NAA60: variants seen among roughly 807,000 people sequenced by gnomAD.
NAA60 encodes the protein N-alpha-acetyltransferase 60.
Under a neutral mutation model 26.1 loss-of-function variants are expected in NAA60, and 8 were observed. The ratio of observed to expected loss-of-function variants is 0.31; its 90% confidence interval spans 0.18 to 0.55. The LOEUF (loss-of-function observed/expected upper bound fraction) is 0.55, where lower values mean the gene tolerates loss of function less well. Ranked by LOEUF, NAA60 falls within the 20% of genes least tolerant of loss-of-function variation. NAA60 has a pLI of 0.93. For missense variants in NAA60, 290 were observed against 311.3 expected (o/e 0.93, Z 0.51); for synonymous variants, 131 against 122.5 (o/e 1.07, Z -0.46).
chr16:3,449,842 G>A, intron 2 of NAA60: 1 of 365,686 alleles, frequency 2.7e-6, no homozygotes, highest in Non-Finnish European at 4.9e-6. Flanking sequence ...TTTTAAAAAG[G>A]GGAGTTTCCC....
At chr16:3,464,066 C>T (rs1009916345) in intron 2 of NAA60, among the ~76,000 whole-genome samples, 5 of 152,186 alleles carry the variant, frequency 3.3e-5, no homozygotes, top group African/African-American at 1.2e-4. Flanking sequence ...CAGAGTCTCA[C>T]TCTGTTGCCC....
At chr16:3,474,403 C>G (rs2036342804) in intron 2 of NAA60, among the ~76,000 whole-genome samples, 1 of 152,210 alleles carries the variant, frequency 6.6e-6, no homozygotes, top group Non-Finnish European at 1.5e-5. Flanking sequence ...AGAGAACCAC[C>G]CTGGGGAGGG....
At chr16:3,468,534 C>T (rs1466796695) in intron 2 of NAA60, among the ~76,000 whole-genome samples, 2 of 152,174 alleles carry the variant, frequency 1.3e-5, no homozygotes, top group Admixed American at 6.5e-5. Flanking sequence ...CCGGAGAGGT[C>T]ATTTCCATGT....
intron 2 of NAA60, among the ~76,000 whole-genome samples, chr16:3,463,567 A>T (rs1472233247): frequency 3.3e-5 from 5 of 151,122 alleles, no homozygotes; most frequent in African/African-American, 1.2e-4. Flanking sequence ...AAAAAAAAAA[A>T]AAAAAATGCA....
rs770205670 is a variant in NAA60 at position 3,448,503 on chromosome 16, T to C, written c.-44T>C. 1.6e-5 allele frequency: 24 copies of C among 1,535,452 alleles called. No individual in the cohort carries two copies. The Admixed American group carries it at 2.2e-4, about 14-fold the overall frequency. ...AAAGGCTGTACCTGGAGGAAGGAAGTGCGGAGCCAGCCTGAGTTGGGAGAA... is the reference window on the plus strand; with the variant it reads ...AAAGGCTGTACCTGGAGGAAGGAAGCGCGGAGCCAGCCTGAGTTGGGAGAA... On this transcript the variant is annotated 5_prime_UTR_variant, in exon 2 of 8. Transcript: ENST00000407558.
intron 3 of NAA60, among the ~76,000 whole-genome samples, chr16:3,477,867 C>A (rs995865683): frequency 6.6e-6 from 1 of 152,156 alleles, no homozygotes. Flanking sequence ...AGTTCAAGAC[C>A]AGCCTGTCCA....
At chr16:3,479,320 G>C in intron 3 of NAA60, 151 bp from the exon 4 acceptor site, 1 of 692,014 alleles carries the variant, frequency 1.4e-6, no homozygotes, top group Non-Finnish European at 2.4e-6. Context: ...GTGACAGTTA[G>C]GTAGAGACTT....
chr16:3,464,875 G>A (rs974262323), intron 2 of NAA60, among the ~76,000 whole-genome samples: 2 of 152,188 alleles, frequency 1.3e-5, no homozygotes, highest in Non-Finnish European at 2.9e-5. Context: ...CAGCCACCCT[G>A]TTGGCTCCGT....
At chr16:3,480,369 G>C (rs529319377) in intron 4 of NAA60, among the ~76,000 whole-genome samples, 1 of 152,146 alleles carries the variant, frequency 6.6e-6, no homozygotes, top group Non-Finnish European at 1.5e-5. Flanking sequence ...GGCCGAGGCG[G>C]GCAGATCATC....
At chr16:3,476,359 G>T (rs766002073) in intron 3 of NAA60, 22 bp downstream of exon 3, 88 of 1,599,950 alleles carry the variant, frequency 5.5e-5, no homozygotes, top group South Asian at 3.4e-4. Context: ...GGATTGCAGG[G>T]TTGGGGAGAG....
rs373388855 is a variant in NAA60 at position 3,476,348 on chromosome 16, C to T, written c.110+11C>T. On this transcript the variant is annotated intron_variant, in intron 3 of 7. Transcript: ENST00000407558. ...CTGGTTCCCCATCGAGTAAGTGGAG[C>T]GGATTGCAGGGTTGGGGAGAGCCCG... 422 of 1,608,400 alleles carry T rather than the reference C, an allele frequency of 2.6e-4. No homozygotes were observed. The highest frequency in any genetic ancestry group is 6.5e-4 in the Admixed American group (39 of 59,774).
At chr16:3,449,774 G>T (rs920648940) in intron 2 of NAA60, among the ~76,000 whole-genome samples, 1 of 152,104 alleles carries the variant, frequency 6.6e-6, no homozygotes, top group Non-Finnish European at 1.5e-5. Flanking sequence ...GAATCGTGGG[G>T]CAGGTCTTTC....
chr16:3,461,354 G>T (rs151112201), intron 2 of NAA60, among the ~76,000 whole-genome samples: 15 of 152,178 alleles, frequency 9.9e-5, no homozygotes, highest in Admixed American at 1.3e-4. Context: ...GTGCCCCCCT[G>T]CGGAGGTGGG....
rs183646757 is a variant in NAA60, at chr16:3,478,958, A to G, written c.111-513A>G. ...CGGATAAAATTATTTTTCCCGGGCCAGGCGCGGTGGCTCACACCTGTAATC... is the reference window on the plus strand; with the variant it reads ...CGGATAAAATTATTTTTCCCGGGCCGGGCGCGGTGGCTCACACCTGTAATC... On this transcript the variant is annotated intron_variant, in intron 3 of 7. Coordinates refer to ENST00000407558, the MANE Select transcript of NAA60 (RefSeq NM_001083601.3). Among the ~76,000 whole-genome samples the G allele has an allele frequency of 7.1e-3, 1,087 of 152,186 alleles. 12 individuals are homozygous for G. The highest frequency in any genetic ancestry group is 0.025 in the African/African-American group (1,045 of 41,514).
At chr16:3,452,365 G>A (rs192787021) in intron 2 of NAA60, among the ~76,000 whole-genome samples, 2 of 152,204 alleles carry the variant, frequency 1.3e-5, no homozygotes, top group East Asian at 3.9e-4. Context: ...AAAGTTAAAT[G>A]TGGTTAATTA....
chr16:3,484,390 G>C (rs2037041214), intron 6 of NAA60, among the ~76,000 whole-genome samples: 1 of 152,174 alleles, frequency 6.6e-6, no homozygotes, highest in East Asian at 1.9e-4. Context: ...GGGAGAACCA[G>C]AAGCACCTGC....
Position 3,464,291 on chromosome 16 carries a change from G to C in NAA60, c.-6-11931G>C, listed in dbSNP as rs557521771. ...GCCTCCCAAAGTGCTGGGATTACAG[G>C]TGTGAGCCACCACGCCCAGCTAGAT... On this transcript the variant is annotated intron_variant, in intron 2 of 7. Coordinates refer to ENST00000407558, the MANE Select transcript of NAA60 (RefSeq NM_001083601.3). Among the ~76,000 whole-genome samples, 34 of 152,330 alleles carry C rather than the reference G, an allele frequency of 2.2e-4. No individual in the cohort carries two copies. In the Middle Eastern group the frequency reaches 0.01, roughly 46 times the overall value.
chr16:3,471,691 C>G (rs2036157470), intron 2 of NAA60, among the ~76,000 whole-genome samples: 1 of 152,122 alleles, frequency 6.6e-6, no homozygotes, highest in African/African-American at 2.4e-5. Context: ...TGTGCTCATC[C>G]TGCCCTCTCC....
At chr16:3,482,847 C>G (rs1363654989) in intron 5 of NAA60, 10 of 566,522 alleles carry the variant, frequency 1.8e-5, no homozygotes, top group Non-Finnish European at 3.2e-5. Flanking sequence ...CAGCCTCGCT[C>G]AGCCCCCAGG....
Sources: allele counts gnomAD v4.1 joint callset (sites outside exome capture counted in the v4.1 genomes callset), GRCh38; gene constraint gnomAD v4.1.1; transcripts MANE v1.5; gene names NCBI Gene and HGNC (gene_info 2026-07-23, HGNC 2026-07-21).